The following GOT1L1 variants were observed in gnomAD, a reference collection of about 807,000 sequenced individuals.
GOT1L1 encodes the protein glutamic-oxaloacetic transaminase 1 like 1, also known as aspartate aminotransferase, cytoplasmic 2.
In GOT1L1, 38 loss-of-function variants were observed where a neutral mutation model predicts 43.6. That is an observed-to-expected ratio of 0.87 (90% CI 0.67 to 1.14). The LOEUF (loss-of-function observed/expected upper bound fraction) is 1.14, where lower values mean the gene tolerates loss of function less well. GOT1L1 is among the 50% of genes most tolerant of loss of function. GOT1L1 has a pLI of 0.00. For missense variants in GOT1L1, 482 were observed against 504.0 expected (o/e 0.96, Z 0.42); for synonymous variants, 183 against 187.2 (o/e 0.98, Z 0.18).
At chr8:37,936,036 C>A (rs1365193866) in intron 6 of GOT1L1, among the ~76,000 whole-genome samples, 167 bp from the exon 7 acceptor site, 1 of 152,186 alleles carries the variant, frequency 6.6e-6, no homozygotes, top group East Asian at 1.9e-4. Flanking sequence ...CAGAGGCTCT[C>A]CTTCCAGCAA....
chr8:37,934,416 G>C lies in GOT1L1; in HGVS notation c.1143C>G (p.Ser381Arg), dbSNP rs763313172. Residue 381 changes from serine (S) to arginine (R), a missense_variant, in exon 9 of 9, where the codon AGC (serine) becomes AGG (arginine). Transcript: ENST00000307599. ...YIPKNGQINF[S>R]CINANNINYI... is the part of the protein sequence containing the mutation. The stretch of plus-strand genomic sequence containing the variant: ...AATTTATGTTGTTGGCATTGATACA[G>C]CTGAAGTTAATCTGACCGTTCTTGG... 6.2e-7 allele frequency: 1 copy of C among 1,613,714 alleles called. No homozygotes were observed. The highest frequency in any genetic ancestry group is 1.7e-5 in the Admixed American group (1 of 60,018).
At position 37,940,111 on chromosome 8, in the gene GOT1L1, G is replaced by A; in HGVS notation, c.-82C>T. On this transcript the variant is annotated 5_prime_UTR_variant, in exon 1 of 9. Transcript: ENST00000307599. Reference sequence around the variant, plus strand: ...GCCCAGAAGTCTTCCTCCAAGGCTGGGCCGGGCAGTCCTGCCTCTTCCTGG... The same window carrying A: ...GCCCAGAAGTCTTCCTCCAAGGCTGAGCCGGGCAGTCCTGCCTCTTCCTGG... 1.3e-6 allele frequency: 2 copies of A among 1,499,370 alleles called. No individual in the cohort carries two copies. The highest frequency in any genetic ancestry group is 1.4e-5 in the African/African-American group (1 of 72,084). The allele number at this position is 1,499,370 out of a possible 1,614,324, so 92.9% of individuals were successfully genotyped here. A position where few individuals can be genotyped will look rare whatever the true frequency, so the allele number is the denominator to read the frequency against.
intron 1 of GOT1L1, among the ~76,000 whole-genome samples, chr8:37,939,431 A>AAAAAAAT (rs1237987679): frequency 6.5e-4 from 27 of 41,706 alleles, no homozygotes; most frequent in Non-Finnish European, 1.0e-3. Flanking sequence ...AAAAAAAAAA[A>AAAAAAAT]ATATATATAT....
intron 1 of GOT1L1, 44 bp from the exon 2 acceptor site, chr8:37,938,925 G>GC: frequency 2.5e-6 from 4 of 1,588,556 alleles, no homozygotes; most frequent in Non-Finnish European, 2.6e-6. Context: ...CCTGGTTTGG[G>GC]CCCCCAGGGC....
At chr8:37,934,578 T>C in intron 8 of GOT1L1, 92 bp from the exon 9 acceptor site, 3 of 939,764 alleles carry the variant, frequency 3.2e-6, no homozygotes, top group Middle Eastern at 2.5e-4. Context: ...TTTTTATTGA[T>C]TGATTGATTG....
At chr8:37,934,899 G>A (rs1334399585) in intron 8 of GOT1L1, 174 bp downstream of exon 8, 1 of 688,334 alleles carries the variant, frequency 1.5e-6, no homozygotes, top group African/African-American at 1.8e-5. Context: ...ATGAAGGATA[G>A]GGAGTGTCGG....
intron 1 of GOT1L1, among the ~76,000 whole-genome samples, chr8:37,939,431 A>AAAAAAAAAAAATATAT (rs1237987679): frequency 2.4e-5 from 1 of 41,710 alleles, no homozygotes; most frequent in Non-Finnish European, 4.6e-5. Flanking sequence ...AAAAAAAAAA[A>AAAAAAAAAAAATATAT]ATATATATAT....
chr8:37,934,804 G>C (rs995714927), intron 8 of GOT1L1, among the ~76,000 whole-genome samples: 6 of 152,054 alleles, frequency 3.9e-5, no homozygotes, highest in Admixed American at 1.3e-4. Flanking sequence ...TCGAACTCCT[G>C]ACCTCAGGTG....
chr8:37,937,124 G>C, intron 4 of GOT1L1, 67 bp from the exon 5 acceptor site: 2 of 1,469,162 alleles, frequency 1.4e-6, no homozygotes, highest in Admixed American at 1.7e-5. Context: ...GGGCATTTGG[G>C]GGTGAAGTGC....
chr8:37,934,315 G>GTT lies in GOT1L1; in HGVS notation c.1242_1243dup (p.Thr415LysfsTer3). Reference sequence around the variant, plus strand: ...AGACTAAAGTTTTATTCCAATCAGTGTTTTTTTTTCCTTTGGAAGACACAT... The same window carrying GTT: ...AGACTAAAGTTTTATTCCAATCAGTGTTTTTTTTTTTCCTTTGGAAGACACAT... On this transcript the variant is annotated frameshift_variant, in exon 9 of 9. Transcript: ENST00000307599. LOFTEE classifies it high-confidence loss of function. The GTT allele has an allele frequency of 6.3e-7, 1 of 1,579,372 alleles. No individual in the cohort carries two copies. Among genetic ancestry groups the GTT allele is most frequent in the South Asian group, 1.1e-5 (1 of 88,694 alleles).
intron 2 of GOT1L1, among the ~76,000 whole-genome samples, chr8:37,938,229 T>A (rs1807818483): frequency 6.6e-6 from 1 of 152,086 alleles, no homozygotes; most frequent in South Asian, 2.1e-4. Context: ...AAACCCTGTC[T>A]CTACAAAAAA....
At chr8:37,936,603 G>T in intron 6 of GOT1L1, 117 bp downstream of exon 6, 1 of 889,204 alleles carries the variant, frequency 1.1e-6, no homozygotes, top group Non-Finnish European at 1.7e-6. Flanking sequence ...TGCTTCTATA[G>T]TGCTCTCCCT....
chr8:37,938,598 T>C, intron 2 of GOT1L1, 102 bp downstream of exon 2: 1 of 1,035,754 alleles, frequency 9.7e-7, no homozygotes, highest in Non-Finnish European at 1.4e-6. Context: ...CTTTTATCAA[T>C]ACCAGGGGGC....
chr8:37,935,573 T>G, intron 7 of GOT1L1, 131 bp downstream of exon 7: 1 of 857,162 alleles, frequency 1.2e-6, no homozygotes, highest in Non-Finnish European at 1.7e-6. Context: ...CCTTAGTAAA[T>G]GTTGATGAAT....
In GOT1L1 at chr8:37,937,019, A is replaced by C; in HGVS notation, c.558T>G (p.Ile186Met). 1 of 1,614,000 alleles carries C rather than the reference A, an allele frequency of 6.2e-7. No homozygotes were observed. The highest frequency in any genetic ancestry group is 8.5e-7 in the Non-Finnish European group (1 of 1,179,888). The change falls in exon 5 of 9, where the codon ATT (isoleucine) becomes ATG (methionine). Residue 186 changes from isoleucine to methionine, a missense_variant. Coordinates refer to ENST00000307599, the MANE Select transcript of GOT1L1 (RefSeq NM_152413.3). ...PHGCVLVMGN[I>M]IDCKLTPSGW... is the part of the protein sequence containing the mutation. ...CACTTGGTGTCAACTTGCAGTCGAT[A>C]ATGTTCCCCATCACAAGGACACAGC...
In GOT1L1 at chr8:37,935,091, C is replaced by T. The variant is rs773676279; in HGVS notation, c.1054G>A (p.Gly352Ser). The part of the protein sequence containing the change: ...GHITEQSGTH[G>S]YLGLNSQQVE... ...CCCTTACAGTTGAGTCCAAGATAGCCGTGGGTCCCACTCTGCTCGGTGATG... is the reference window on the plus strand; with the variant it reads ...CCCTTACAGTTGAGTCCAAGATAGCTGTGGGTCCCACTCTGCTCGGTGATG... The change falls in exon 8 of 9, where the codon GGC becomes AGC. Residue 352 changes from glycine to serine, a missense_variant. Transcript: ENST00000307599. 13 of 1,613,738 alleles carry T rather than the reference C, an allele frequency of 8.1e-6. No individual in the cohort carries two copies. The East Asian group carries it at 2.2e-4, about 28-fold the overall frequency.
Position 37,937,703 on chromosome 8 carries a change from C to T in GOT1L1, c.344G>A (p.Gly115Asp). The T allele has an allele frequency of 6.2e-7, 1 of 1,613,288 alleles. No individual in the cohort carries two copies. The highest frequency in any genetic ancestry group is 8.5e-7 in the Non-Finnish European group (1 of 1,179,664). Residue 115 changes from glycine to aspartate, a missense_variant, in exon 3 of 9, where the codon GGC (glycine) becomes GAC (aspartate). Transcript: ENST00000307599. ...TVGDSGAFQL[G>D]VQFLRAWHKD... is the part of the protein sequence containing the mutation. ...ATGCCAAGCTCTGAGAAACTGGACG[C>T]CAAGCTGGAAGGCACCACTGTCACC...
chr8:37,937,666 AC>A lies in GOT1L1; in HGVS notation c.380del (p.Arg127LeufsTer2). The A allele has an allele frequency of 6.2e-7, 1 of 1,612,104 alleles. No individual in the cohort carries two copies. Among genetic ancestry groups the A allele is most frequent in the Non-Finnish European group, 8.5e-7 (1 of 1,178,920 alleles). ...TTTGAGAAGAGATGATGTAAACTAT[AC>A]GAGCATCCTTATGCCAAGCTCTGAG... is the stretch of plus-strand genomic sequence containing the variant. The part of the protein sequence containing the change: ...QFLRAWHKDA[R>X]IVYIISSQKE... On this transcript the variant is annotated frameshift_variant, in exon 3 of 9. Transcript: ENST00000307599. LOFTEE classifies it high-confidence loss of function.
chr8:37,935,849 C>G lies in GOT1L1; in HGVS notation c.784G>C (p.Val262Leu). 6.2e-7 allele frequency: 1 copy of G among 1,613,100 alleles called. No individual in the cohort carries two copies. Among genetic ancestry groups the G allele is most frequent in the Non-Finnish European group, 8.5e-7 (1 of 1,179,492 alleles). ...GIYDEGVGML[V>L]VVAVNNQQLL... ...TGCTGGTTGTTGACTGCCACCACCA[C>G]TAGCATCCCCACTCCTTCATCTGCA... Residue 262 changes from valine (V) to leucine (L), a missense_variant, in exon 7 of 9, where the codon GTG becomes CTG. Physicochemically the swap from Val to Leu is conservative, Grantham distance 32 (BLOSUM62 1). Coordinates refer to ENST00000307599, the MANE Select transcript of GOT1L1 (RefSeq NM_152413.3).
Sources: gnomAD v4.1 joint callset for allele counts (sites outside exome capture counted in the v4.1 genomes callset) on GRCh38, gnomAD v4.1.1 for gene constraint, MANE v1.5 for transcripts, NCBI Gene and HGNC (gene_info 2026-07-23, HGNC 2026-07-21) for gene names.